Variants in UGT1A4 observed in about 807,000 individuals in gnomAD.
The protein encoded by UGT1A4 is UDP-glucuronosyltransferase 1A4.
Under a neutral mutation model 41.1 loss-of-function variants are expected in UGT1A4, and 32 were observed. The observed-to-expected ratio is 0.78, with a 90% CI of 0.59 to 1.05. The LOEUF (loss-of-function observed/expected upper bound fraction) is 1.05, where lower values mean the gene tolerates loss of function less well. Among genes scored for constraint, UGT1A4 ranks in the 50% least tolerant of loss-of-function variants. The probability of loss-of-function intolerance (pLI) is 0.00; values close to 1 mark genes in which losing one functional copy is unlikely to be tolerated. For synonymous variants in UGT1A4, 283 were observed against 265.1 expected, an observed-to-expected ratio of 1.07 and a Z score of -0.66; for missense variants, 748 against 677.4, an observed-to-expected ratio of 1.10 and a Z score of -1.16.
In UGT1A4 at chr2:233,718,869, C is replaced by T. The variant is rs1369983099; in HGVS notation, c.49C>T (p.Leu17=). The change falls in exon 1 of 5, where the codon CTG becomes TTG. Residue 17 remains leucine (L), a synonymous_variant. Transcript: ENST00000373409. ...VPLPRLATGL[L]LLLSVQPWAE... is the part of the protein sequence containing the mutation. ...CCTGCCGCGGCTGGCCACAGGACTG[C>T]TGCTCCTCCTCAGTGTCCAGCCCTG... The T allele has an allele frequency of 1.2e-6, 2 of 1,613,908 alleles. No individual in the cohort carries two copies. The highest frequency in any genetic ancestry group is 1.7e-6 in the Non-Finnish European group (2 of 1,179,942).
chr2:233,753,502 C>A (rs1316574897), intron 1 of UGT1A4: 1 of 152,214 alleles, frequency 6.6e-6, no homozygotes, highest in East Asian at 1.9e-4. Context: ...TTTTTTCAGC[C>A]TGTCTAGTTG....
In UGT1A4 at chr2:233,758,028, C is replaced by A. The variant is rs116537239; in HGVS notation, c.868-9006C>A. 3.8e-3 allele frequency among the ~76,000 whole-genome samples: 585 copies of A among 152,248 alleles called. 2 individuals are homozygous for A. Among genetic ancestry groups the A allele is most frequent in the African/African-American group, 0.013 (559 of 41,526 alleles). On this transcript the variant is annotated intron_variant, in intron 1 of 4. Coordinates refer to ENST00000373409, the MANE Select transcript of UGT1A4 (RefSeq NM_007120.3). ...CATGAGTTTGTCTCTGTCTACCTGA[C>A]CCCTCCTTTCAGGCAAGGACCATTT...
At chr2:233,770,071 ATTC>A (rs1346170672) in intron 4 of UGT1A4, 1 of 153,458 alleles carries the variant, frequency 6.5e-6, no homozygotes, top group Non-Finnish European at 1.5e-5. Context: ...TATAATTTTG[ATTC>A]TTTCTTCAGT....
rs1697459307 is a variant in UGT1A4, at chr2:233,760,471, C to T, written c.868-6563C>T. The T allele has an allele frequency of 7.4e-6, 12 of 1,614,210 alleles. No individual in the cohort carries two copies. The highest frequency in any genetic ancestry group is 1.0e-5 in the Non-Finnish European group (12 of 1,180,040). ...GGGACATGAAATAGTTGTCCTAGCA[C>T]CTGACGCCTCGTTGTACATCAGAGA... On this transcript the variant is annotated intron_variant, in intron 1 of 4. Coordinates refer to ENST00000373409, the MANE Select transcript of UGT1A4 (RefSeq NM_007120.3).
chr2:233,748,015 C>T lies in UGT1A4; in HGVS notation c.868-19019C>T, dbSNP rs746722710. ...GACTTTGTGATGGATTACCCCAGGC[C>T]GATCATGCCCAACATGGTCTTCATT... is the stretch of plus-strand genomic sequence containing the variant. On this transcript the variant is annotated intron_variant, in intron 1 of 4. Coordinates refer to ENST00000373409, the MANE Select transcript of UGT1A4 (RefSeq NM_007120.3). The T allele has an allele frequency of 4.5e-4, 728 of 1,613,308 alleles. 4 individuals carry two copies. Among genetic ancestry groups the T allele is most frequent in the Middle Eastern group, 6.6e-4 (4 of 6,082 alleles).
Position 233,719,253 on chromosome 2 carries a change from T to A in UGT1A4, c.433T>A (p.Ser145Thr), listed in dbSNP as rs757974973. Reference sequence around the variant, plus strand: ...CCTGATCAGGCACCTGAATGCTACTTCCTTTGATGTGGTTTTAACAGACCC... The same window carrying A: ...CCTGATCAGGCACCTGAATGCTACTACCTTTGATGTGGTTTTAACAGACCC... Reference protein sequence around the residue: ...EALIRHLNATSFDVVLTDPVN... With the variant: ...EALIRHLNATTFDVVLTDPVN... Residue 145 changes from serine (S) to threonine (T), a missense_variant, in exon 1 of 5, where the codon TCC becomes ACC. Transcript: ENST00000373409. 2 of 1,614,038 alleles carry A rather than the reference T, an allele frequency of 1.2e-6. No homozygotes were observed. Among genetic ancestry groups the A allele is most frequent in the African/African-American group, 2.7e-5 (2 of 74,918 alleles).
intron 1 of UGT1A4, among the ~76,000 whole-genome samples, chr2:233,766,156 G>C (rs1699057554): frequency 6.6e-6 from 1 of 152,196 alleles, no homozygotes; most frequent in Admixed American, 6.5e-5. Context: ...TGGGCTTGGA[G>C]AATGAGTGCA....
chr2:233,721,870 C>G (rs905859628), intron 1 of UGT1A4: 1 of 500,564 alleles, frequency 2.0e-6, no homozygotes, highest in Non-Finnish European at 4.0e-6. Context: ...CCTGGGCACA[C>G]TTGCCAGCCC....
intron 1 of UGT1A4, among the ~76,000 whole-genome samples, chr2:233,726,758 C>T (rs2125721651): frequency 6.6e-6 from 1 of 152,360 alleles, no homozygotes; most frequent in East Asian, 1.9e-4. Context: ...CTGCCTACCA[C>T]AGACACTAAG....
intron 1 of UGT1A4, among the ~76,000 whole-genome samples, chr2:233,758,599 C>A (rs1696920593): frequency 6.6e-6 from 1 of 152,110 alleles, no homozygotes; most frequent in Admixed American, 6.5e-5. Flanking sequence ...TGGGGAGGAG[C>A]TTCAGTGTGC....
chr2:233,718,781 G>A lies in UGT1A4; in HGVS notation c.-40G>A, dbSNP rs767988524. ...GAAGGAAACAAATGTAGCAGGCACA[G>A]CGTGGGGTGGACAGTCAGCTGTCGG... On this transcript the variant is annotated 5_prime_UTR_variant, in exon 1 of 5. Coordinates refer to ENST00000373409, the MANE Select transcript of UGT1A4 (RefSeq NM_007120.3). 6 of 1,612,904 alleles carry A rather than the reference G, an allele frequency of 3.7e-6. No homozygotes were observed. The highest frequency in any genetic ancestry group is 4.2e-6 in the Non-Finnish European group (5 of 1,180,018).
chr2:233,755,169 T>C lies in UGT1A4; in HGVS notation c.868-11865T>C, dbSNP rs555147500. 5.0e-4 allele frequency: 628 copies of C among 1,267,204 alleles called. 1 individual carries two copies. The highest frequency in any genetic ancestry group is 1.5e-3 in the Admixed American group (80 of 52,468). The allele number at this position is 1,267,204 out of a possible 1,614,324, so 78.5% of individuals were successfully genotyped here. The stretch of plus-strand genomic sequence containing the variant: ...CGCTTCCTCCCTGTCCTCGGGGTTT[T>C]TGTCGGGGTGCCACTTGAGCGCCAG... On this transcript the variant is annotated intron_variant, in intron 1 of 4. Transcript: ENST00000373409.
At chr2:233,755,384 G>A in intron 1 of UGT1A4, 2 of 348,148 alleles carry the variant, frequency 5.7e-6, no homozygotes, top group Non-Finnish European at 1.1e-5. Context: ...CGCCCCTTAT[G>A]ACGCAGCCAC....
chr2:233,719,203 G>T lies in UGT1A4; in HGVS notation c.383G>T (p.Cys128Phe), dbSNP rs145806554. Residue 128 changes from cysteine (C) to phenylalanine (F), a missense_variant, in exon 1 of 5, where the codon TGT becomes TTT. Physicochemically the swap from Cys to Phe is radical, Grantham distance 205 (BLOSUM62 -2). Coordinates refer to ENST00000373409, the MANE Select transcript of UGT1A4 (RefSeq NM_007120.3). ...NNVSLALHRC[C>F]VELLHNEALI... The stretch of plus-strand genomic sequence containing the variant: ...GTATCTTTGGCCCTTCATAGGTGTT[G>T]TGTGGAGCTACTGCATAATGAGGCC... The T allele has an allele frequency of 2.5e-6, 4 of 1,614,124 alleles. No homozygotes were observed. Among genetic ancestry groups the T allele is most frequent in the Admixed American group, 3.3e-5 (2 of 60,014 alleles).
chr2:233,764,085 G>T (rs1214257017), intron 1 of UGT1A4, among the ~76,000 whole-genome samples: 1 of 152,154 alleles, frequency 6.6e-6, no homozygotes, highest in African/African-American at 2.4e-5. Flanking sequence ...CTAATTAAAA[G>T]CCTAAACTAA....
intron 1 of UGT1A4, among the ~76,000 whole-genome samples, chr2:233,737,657 C>T (rs962486142): frequency 2.6e-5 from 4 of 152,206 alleles, no homozygotes; most frequent in African/African-American, 9.6e-5. Context: ...CTGGGAGCTG[C>T]AGATCGGAGC....
intron 1 of UGT1A4, chr2:233,754,922 T>C: frequency 7.4e-7 from 1 of 1,349,928 alleles, no homozygotes; most frequent in South Asian, 1.1e-5. Flanking sequence ...CCAGCGGGTT[T>C]CCCAAGAGGT....
intron 1 of UGT1A4, chr2:233,740,859 A>C (rs1179342634): frequency 6.6e-6 from 1 of 151,860 alleles, no homozygotes; most frequent in Non-Finnish European, 1.5e-5. Context: ...AATTCTAAAA[A>C]TTCTTTAAAT....
chr2:233,719,807 T>C, intron 1 of UGT1A4, 120 bp downstream of exon 1: 1 of 1,593,892 alleles, frequency 6.3e-7, no homozygotes, highest in Non-Finnish European at 8.5e-7. Context: ...TTGGCTTCTT[T>C]ATAACAGATA....
Sources: allele counts gnomAD v4.1 joint callset (sites outside exome capture counted in the v4.1 genomes callset), GRCh38; gene constraint gnomAD v4.1.1; transcripts MANE v1.5; gene names NCBI Gene and HGNC (gene_info 2026-07-23, HGNC 2026-07-21).